The following SIPA1L1 variants were observed in gnomAD, a reference collection of about 807,000 sequenced individuals.
SIPA1L1 encodes signal-induced proliferation-associated 1-like protein 1.
SIPA1L1 carries 26 observed loss-of-function variants against 162.7 expected under a neutral mutation model. The observed-to-expected ratio is 0.16, with a 90% CI of 0.12 to 0.22. The LOEUF (loss-of-function observed/expected upper bound fraction) is 0.22, where lower values mean the gene tolerates loss of function less well. Ranked by LOEUF, SIPA1L1 falls within the 10% of genes least tolerant of loss-of-function variation. The pLI is 1.00. For missense variants in SIPA1L1, 1,874 were observed against 2,241.0 expected, an observed-to-expected ratio of 0.84 and a Z score of 3.31; for synonymous variants, 829 against 837.4, an observed-to-expected ratio of 0.99 and a Z score of 0.17.
chr14:71,518,978 TACTC>T (rs1246885841), intron 3 of SIPA1L1, among the ~76,000 whole-genome samples: 4 of 152,136 alleles, frequency 2.6e-5, no homozygotes, highest in Non-Finnish European at 5.9e-5. Context: ...TCTTGAGACT[TACTC>T]ACTATCACAA....
At chr14:71,340,585 T>C (rs537708350) in intron 2 of SIPA1L1, among the ~76,000 whole-genome samples, 3 of 152,374 alleles carry the variant, frequency 2.0e-5, no homozygotes, top group South Asian at 2.1e-4. Flanking sequence ...AGTTTTCCGA[T>C]GCTCCCCTAA....
intron 4 of SIPA1L1, among the ~76,000 whole-genome samples, chr14:71,583,696 A>T (rs528281989): frequency 4.1e-4 from 62 of 152,022 alleles, no homozygotes; most frequent in Admixed American, 1.2e-3. Flanking sequence ...TTGAAAAAAA[A>T]TTTTTTTCAT....
intron 5 of SIPA1L1, among the ~76,000 whole-genome samples, chr14:71,612,034 A>G (rs2038283406): frequency 6.6e-6 from 1 of 152,236 alleles, no homozygotes; most frequent in Admixed American, 6.5e-5. Flanking sequence ...AATTTAAGCT[A>G]TTGAAGTGTC....
intron 2 of SIPA1L1, among the ~76,000 whole-genome samples, chr14:71,477,900 A>G (rs935497966): frequency 3.9e-5 from 6 of 152,140 alleles, no homozygotes; most frequent in African/African-American, 1.4e-4. Flanking sequence ...ATTACATGGT[A>G]GGGGTATGTT....
At chr14:71,386,404 A>C (rs1178106096) in intron 2 of SIPA1L1, among the ~76,000 whole-genome samples, 2 of 152,164 alleles carry the variant, frequency 1.3e-5, no homozygotes, top group Non-Finnish European at 2.9e-5. Context: ...ACCCAGATTG[A>C]GGGTGGGTCT....
chr14:71,435,318 C>T (rs1370115396), intron 2 of SIPA1L1, among the ~76,000 whole-genome samples: 2 of 152,152 alleles, frequency 1.3e-5, no homozygotes, highest in South Asian at 2.1e-4. Flanking sequence ...AATGCTATCC[C>T]TCCTCCCTTC....
At chr14:71,368,002 A>C (rs2038507059) in intron 2 of SIPA1L1, among the ~76,000 whole-genome samples, 1 of 149,624 alleles carries the variant, frequency 6.7e-6, no homozygotes, top group African/African-American at 2.5e-5. Context: ...AAATGTCTTC[A>C]GTGTGAAATC....
intron 4 of SIPA1L1, among the ~76,000 whole-genome samples, chr14:71,541,501 T>A (rs1001691036): frequency 6.6e-6 from 1 of 152,126 alleles, no homozygotes; most frequent in African/African-American, 2.4e-5. Context: ...AGCTCATGCC[T>A]ATAATCCCCC....
At chr14:71,724,910 C>G (rs1304410901) in intron 19 of SIPA1L1, 75 bp downstream of exon 19, 2 of 1,361,668 alleles carry the variant, frequency 1.5e-6, no homozygotes, top group Non-Finnish European at 2.0e-6. Flanking sequence ...CATAGTCACA[C>G]TTTCCAGAAA....
At position 71,699,204 on chromosome 14, in the gene SIPA1L1, G is replaced by T. The variant is rs2081898393; in HGVS notation, c.3521+77G>T. The T allele has an allele frequency of 7.3e-6, 10 of 1,366,912 alleles. No homozygotes were observed. The South Asian group carries it at 1.2e-4, about 17-fold the overall frequency. The allele number at this position is 1,366,912 out of a possible 1,614,324, so 84.7% of individuals were successfully genotyped here. On this transcript the variant is annotated intron_variant, in intron 14 of 23. Coordinates refer to ENST00000381232, the MANE Select transcript of SIPA1L1 (RefSeq NM_001386936.1). The stretch of plus-strand genomic sequence containing the variant: ...TCATCTGTACTCAGACATGTAAAAT[G>T]ACTTCCATTCAGCCAGCCTTGATCA...
intron 5 of SIPA1L1, among the ~76,000 whole-genome samples, chr14:71,597,255 T>G (rs765521850): frequency 3.3e-5 from 5 of 152,200 alleles, no homozygotes; most frequent in South Asian, 2.1e-4. Flanking sequence ...GAGCTGAGAT[T>G]ATGTACGTGA....
At chr14:71,485,929 C>G (rs2142897542) in intron 2 of SIPA1L1, among the ~76,000 whole-genome samples, 1 of 152,276 alleles carries the variant, frequency 6.6e-6, no homozygotes, top group South Asian at 2.1e-4. Context: ...TCCCCCCCTA[C>G]ATTGCCTATA....
At chr14:71,608,977 A>G (rs966320892) in intron 5 of SIPA1L1, among the ~76,000 whole-genome samples, 2 of 152,184 alleles carry the variant, frequency 1.3e-5, no homozygotes, top group African/African-American at 4.8e-5. Flanking sequence ...AATAGAAACT[A>G]TAGAAAATAA....
chr14:71,462,941 G>A (rs910575391), intron 2 of SIPA1L1, among the ~76,000 whole-genome samples: 5 of 152,216 alleles, frequency 3.3e-5, no homozygotes, highest in African/African-American at 7.2e-5. Context: ...CATTTGCCAC[G>A]TCTATGGCTG....
chr14:71,684,411 G>A (rs1038812955), intron 12 of SIPA1L1, among the ~76,000 whole-genome samples: 6 of 152,148 alleles, frequency 3.9e-5, no homozygotes, highest in Admixed American at 2.6e-4. Context: ...TTCCCTCCCC[G>A]CGCCTTCAGC....
chr14:71,481,607 A>T (rs1002750855), intron 2 of SIPA1L1, among the ~76,000 whole-genome samples: 1 of 152,280 alleles, frequency 6.6e-6, no homozygotes, highest in African/African-American at 2.4e-5. Flanking sequence ...AAGTGTAATT[A>T]TCCAGACAGC....
At chr14:71,381,301 C>T (rs957322921) in intron 2 of SIPA1L1, among the ~76,000 whole-genome samples, 1 of 152,144 alleles carries the variant, frequency 6.6e-6, no homozygotes, top group Non-Finnish European at 1.5e-5. Flanking sequence ...ATCCGCCCTC[C>T]TTGTCCTCCC....
intron 10 of SIPA1L1, 132 bp from the exon 11 acceptor site, chr14:71,670,987 T>A (rs569929520): frequency 1.4e-6 from 1 of 724,382 alleles, no homozygotes. Flanking sequence ...GAAATGTGTG[T>A]TGTTTCTCAT....
intron 3 of SIPA1L1, among the ~76,000 whole-genome samples, chr14:71,526,624 A>G (rs990233468): frequency 2.0e-5 from 3 of 152,084 alleles, no homozygotes; most frequent in African/African-American, 4.8e-5. Flanking sequence ...CGTATTGTCT[A>G]TGGCTGCTTT....
Sources: allele counts gnomAD v4.1 joint callset (sites outside exome capture counted in the v4.1 genomes callset), GRCh38; gene constraint gnomAD v4.1.1; transcripts MANE v1.5; gene names NCBI Gene and HGNC (gene_info 2026-07-23, HGNC 2026-07-21).